The following DCLK2 variants were observed in gnomAD, a reference collection of about 807,000 sequenced individuals.
DCLK2 encodes the protein serine/threonine-protein kinase DCLK2.
A neutral mutation model predicts 78.4 loss-of-function variants in DCLK2; 31 were observed. The ratio of observed to expected loss-of-function variants is 0.40; its 90% confidence interval spans 0.30 to 0.53. The LOEUF is 0.53. Among genes scored for constraint, DCLK2 ranks in the 20% least tolerant of loss-of-function variants. The pLI, the probability that DCLK2 is intolerant of heterozygous loss-of-function variation, is 0.61. For missense variants in DCLK2, 872 were observed against 973.7 expected (o/e 0.90, Z 1.39); for synonymous variants, 407 against 374.9 (o/e 1.09, Z -0.99).
At chr4:150,189,069 G>A (rs2126339063) in intron 2 of DCLK2, among the ~76,000 whole-genome samples, 1 of 152,132 alleles carries the variant, frequency 6.6e-6, no homozygotes, top group East Asian at 1.9e-4. Context: ...AGTACCAGGT[G>A]AAATATTTCC....
chr4:150,203,736 C>G, intron 4 of DCLK2, 59 bp from the exon 5 acceptor site: 1 of 1,371,972 alleles, frequency 7.3e-7, no homozygotes, highest in Non-Finnish European at 1.0e-6. Context: ...TGTATTTATA[C>G]AGTCTGGTTG....
chr4:150,096,612 T>C (rs1038150575), intron 1 of DCLK2, among the ~76,000 whole-genome samples: 4 of 152,100 alleles, frequency 2.6e-5, no homozygotes, highest in Admixed American at 1.3e-4. Flanking sequence ...AGGGAGATCA[T>C]AGATGCTAGG....
At chr4:150,238,121 C>T (rs1318447432) in intron 10 of DCLK2, among the ~76,000 whole-genome samples, 1 of 152,108 alleles carries the variant, frequency 6.6e-6, no homozygotes, top group African/African-American at 2.4e-5. Flanking sequence ...ATTTTAGAAA[C>T]CACTGAGAAC....
intron 1 of DCLK2, among the ~76,000 whole-genome samples, chr4:150,096,131 A>G (rs575007181): frequency 1.3e-5 from 2 of 152,326 alleles, no homozygotes; most frequent in Admixed American, 1.3e-4. Flanking sequence ...AAACGAGAGA[A>G]GGCAGGGTAG....
intron 2 of DCLK2, among the ~76,000 whole-genome samples, chr4:150,162,111 G>C (rs1735743355): frequency 6.6e-6 from 1 of 152,018 alleles, no homozygotes; most frequent in Non-Finnish European, 1.5e-5. Context: ...GCTCACTGCA[G>C]CCTCAACCTC....
intron 5 of DCLK2, among the ~76,000 whole-genome samples, chr4:150,211,452 G>C (rs1740307285): frequency 6.6e-6 from 1 of 152,128 alleles, no homozygotes; most frequent in African/African-American, 2.4e-5. Flanking sequence ...GACATCACAA[G>C]GGCATGAGAA....
intron 5 of DCLK2, among the ~76,000 whole-genome samples, chr4:150,212,280 A>G (rs1438793390): frequency 6.6e-6 from 1 of 152,196 alleles, no homozygotes; most frequent in African/African-American, 2.4e-5. Flanking sequence ...AAGATTTTCC[A>G]GATTTGTGAA....
At chr4:150,193,679 A>G (rs568323584) in intron 3 of DCLK2, among the ~76,000 whole-genome samples, 1 of 152,196 alleles carries the variant, frequency 6.6e-6, no homozygotes, top group African/African-American at 2.4e-5. Flanking sequence ...GAAATAGATG[A>G]AAGGATAATA....
chr4:150,206,129 A>C (rs960426585), intron 5 of DCLK2, among the ~76,000 whole-genome samples: 1 of 152,250 alleles, frequency 6.6e-6, no homozygotes, highest in Non-Finnish European at 1.5e-5. Context: ...AGGACAGGAC[A>C]GCTAACCATT....
At position 150,214,865 on chromosome 4, in the gene DCLK2, G is replaced by A. The variant is rs550062996; in HGVS notation, c.1057-5838G>A. ...TAATCCCAGCTACTCGGGAGGCCAA[G>A]GCAGGAGAATCACTTGCACCTGGGA... On this transcript the variant is annotated intron_variant, in intron 5 of 15. Transcript: ENST00000296550. Among the ~76,000 whole-genome samples, 129 of 151,640 alleles carry A rather than the reference G, an allele frequency of 8.5e-4. 1 individual carries two copies. Among genetic ancestry groups the A allele is most frequent in the African/African-American group, 2.9e-3 (121 of 41,304 alleles).
chr4:150,227,900 A>G (rs1741734291), intron 8 of DCLK2, among the ~76,000 whole-genome samples: 1 of 152,308 alleles, frequency 6.6e-6, no homozygotes, highest in Admixed American at 6.5e-5. Context: ...ATAAATTACC[A>G]CAAACTTGGT....
intron 2 of DCLK2, among the ~76,000 whole-genome samples, chr4:150,141,602 A>C: frequency 6.6e-6 from 1 of 152,284 alleles, no homozygotes; most frequent in Non-Finnish European, 1.5e-5. Context: ...ATTCATTGTC[A>C]CTTTTCTTCA....
intron 2 of DCLK2, among the ~76,000 whole-genome samples, chr4:150,171,822 T>A (rs1434178148): frequency 3.3e-5 from 5 of 152,248 alleles, no homozygotes; most frequent in Non-Finnish European, 5.9e-5. Flanking sequence ...CTTCCGTGAT[T>A]ATACTTGAAT....
intron 6 of DCLK2, among the ~76,000 whole-genome samples, chr4:150,221,438 C>T (rs1175254998): frequency 6.6e-6 from 1 of 151,438 alleles, no homozygotes; most frequent in Non-Finnish European, 1.5e-5. Flanking sequence ...TCACTTATTT[C>T]ACCTGATATC....
At chr4:150,178,128 G>A (rs996440561) in intron 2 of DCLK2, among the ~76,000 whole-genome samples, 5 of 152,176 alleles carry the variant, frequency 3.3e-5, no homozygotes, top group Admixed American at 1.3e-4. Flanking sequence ...GAAGCTCCAC[G>A]TAAATGGGGG....
At chr4:150,174,608 G>A (rs1248323254) in intron 2 of DCLK2, among the ~76,000 whole-genome samples, 4 of 152,060 alleles carry the variant, frequency 2.6e-5, no homozygotes, top group Non-Finnish European at 5.9e-5. Flanking sequence ...CGGATCACGA[G>A]GTCAGGAGTT....
rs1728976134 is a variant in DCLK2, at chr4:150,078,469, C to G, written c.-559C>G. On this transcript the variant is annotated 5_prime_UTR_variant, in exon 1 of 16. Transcript: ENST00000296550. ...CAGACACGGCCCTCTCAGCCCCGAA[C>G]GGCGCGCGCTGCCCGGCGGGCGGGA... 6.6e-6 allele frequency: 1 copy of G among 151,338 alleles called. No homozygotes were observed. The allele number at this position is 151,338 out of a possible 1,614,324, so 9.4% of individuals were successfully genotyped here. A position where few individuals can be genotyped will look rare whatever the true frequency, so the allele number is the denominator to read the frequency against.
At chr4:150,192,608 G>A (rs929444934) in intron 2 of DCLK2, among the ~76,000 whole-genome samples, 78 of 152,150 alleles carry the variant, frequency 5.1e-4, no homozygotes, top group African/African-American at 1.8e-3. Context: ...GCTGGTGGTA[G>A]GGATGATGGG....
At chr4:150,187,972 T>C (rs941230614) in intron 2 of DCLK2, among the ~76,000 whole-genome samples, 2 of 152,140 alleles carry the variant, frequency 1.3e-5, no homozygotes, top group African/African-American at 4.8e-5. Flanking sequence ...AGCTAATTTT[T>C]ATACTTTTAG....
Sources: gnomAD v4.1 joint callset for allele counts (sites outside exome capture counted in the v4.1 genomes callset) on GRCh38, gnomAD v4.1.1 for gene constraint, MANE v1.5 for transcripts, NCBI Gene and HGNC (gene_info 2026-07-23, HGNC 2026-07-21) for gene names.